Variants in COBLL1 observed in about 807,000 individuals in gnomAD.
COBLL1 encodes the protein cordon-bleu WH2 repeat protein like 1, also known as cordon-bleu protein-like 1.
COBLL1 carries 50 observed loss-of-function variants against 94.8 expected under a neutral mutation model. The observed-to-expected ratio is 0.53, with a 90% confidence interval of 0.42 to 0.67. The LOEUF (loss-of-function observed/expected upper bound fraction) is 0.67. COBLL1 is among the 30% of genes least tolerant of loss of function. COBLL1 has a pLI of 0.00. For synonymous variants in COBLL1, 448 were observed against 473.8 expected, an observed-to-expected ratio of 0.95 and a Z score of 0.71; for missense variants, 1,362 against 1,348.7, an observed-to-expected ratio of 1.01 and a Z score of -0.15.
At chr2:164,814,791 C>A (rs1397289125) in intron 2 of COBLL1, among the ~76,000 whole-genome samples, 1 of 152,116 alleles carries the variant, frequency 6.6e-6, no homozygotes, top group East Asian at 1.9e-4. Context: ...GTAAACTATA[C>A]CTCAACTTTA....
In COBLL1 at chr2:164,727,965, T is replaced by C. The variant is rs762871477; in HGVS notation, c.661+4A>G. ...TAAATAAATAAAATAAAAGTCTTAC[T>C]TACCTCTGTTGACATCCATCGCATA... On this transcript the variant is annotated splice_donor_region_variant and intron_variant, in intron 5 of 13. Coordinates refer to ENST00000652658, the MANE Select transcript of COBLL1 (RefSeq NM_001365672.2). 1 of 1,566,888 alleles carries C rather than the reference T, an allele frequency of 6.4e-7. No homozygotes were observed. Among genetic ancestry groups the C allele is most frequent in the South Asian group, 1.1e-5 (1 of 89,752 alleles).
intron 3 of COBLL1, among the ~76,000 whole-genome samples, chr2:164,735,596 T>G (rs1686258979): frequency 6.6e-6 from 1 of 151,880 alleles, no homozygotes; most frequent in South Asian, 2.1e-4. Flanking sequence ...GACATTAACT[T>G]TTAAGCAGGT....
intron 9 of COBLL1, among the ~76,000 whole-genome samples, chr2:164,701,225 C>G (rs1684238796): frequency 6.6e-6 from 1 of 152,082 alleles, no homozygotes; most frequent in South Asian, 2.1e-4. Context: ...TGAGAATTAC[C>G]TGAGCCCCCT....
Position 164,694,944 on chromosome 2 carries a change from A to T in COBLL1, c.2448T>A (p.Asp816Glu), listed in dbSNP as rs1227719410. 1 of 1,613,990 alleles carries T rather than the reference A, an allele frequency of 6.2e-7. No individual in the cohort carries two copies. Among genetic ancestry groups the T allele is most frequent in the East Asian group, 2.2e-5 (1 of 44,860 alleles). ...GTTTCAGAGGACTAACCATGGCATC[A>T]TCAGGTGAGCTCACAGAACTGGGCA... ...HQVPSSVSSP[D>E]DAMVSPLKPA... The change falls in exon 12 of 14, where the codon GAT (aspartate) becomes GAA (glutamate). Residue 816 changes from aspartate to glutamate, a missense_variant. Coordinates refer to ENST00000652658, the MANE Select transcript of COBLL1 (RefSeq NM_001365672.2).
intron 2 of COBLL1, among the ~76,000 whole-genome samples, chr2:164,810,775 A>G (rs1364674763): frequency 6.6e-6 from 1 of 151,936 alleles, no homozygotes; most frequent in East Asian, 1.9e-4. Flanking sequence ...GAAAAGAAGT[A>G]TAAGAAAAAT....
intron 3 of COBLL1, among the ~76,000 whole-genome samples, chr2:164,732,732 T>C (rs1296366644): frequency 6.6e-6 from 1 of 152,222 alleles, no homozygotes; most frequent in Non-Finnish European, 1.5e-5. Flanking sequence ...TATACAGTTT[T>C]TTTGAATCTT....
At chr2:164,788,634 GAAAGTAGTTA>G (rs1378883580) in intron 2 of COBLL1, among the ~76,000 whole-genome samples, 7 of 152,094 alleles carry the variant, frequency 4.6e-5, no homozygotes, top group Non-Finnish European at 1.0e-4. Flanking sequence ...AGCCAACTTT[GAAAGTAGTTA>G]AAATGACTGA....
Position 164,797,883 on chromosome 2 carries a change from G to A in COBLL1, c.41+43273C>T, listed in dbSNP as rs148213480. On this transcript the variant is annotated intron_variant, in intron 2 of 13. Transcript: ENST00000652658. ...ATACAAATGTTACTAAATATCTTCCGTTTTAGGGAAAACCAGATTGGAACT... is the reference window on the plus strand; with the variant it reads ...ATACAAATGTTACTAAATATCTTCCATTTTAGGGAAAACCAGATTGGAACT... Among the ~76,000 whole-genome samples, 513 of 152,124 alleles carry A rather than the reference G, an allele frequency of 3.4e-3. 1 individual carries two copies. The highest frequency in any genetic ancestry group is 5.8e-3 in the Admixed American group (89 of 15,280).
At chr2:164,800,469 G>A in intron 2 of COBLL1, 1 of 676,592 alleles carries the variant, frequency 1.5e-6, no homozygotes, top group Non-Finnish European at 2.7e-6. Context: ...ACTCTTGGTG[G>A]AATGCAAAAT....
rs540270933 is a variant in COBLL1, at chr2:164,761,362, C to G, written c.42-17487G>C. 3 of 151,884 alleles carry G rather than the reference C, an allele frequency of 2.0e-5. No homozygotes were observed. The East Asian group carries it at 5.8e-4, about 29-fold the overall frequency. 9.4% of individuals were successfully genotyped at this position (151,884 alleles called of 1,614,324 possible). A position where few individuals can be genotyped will look rare whatever the true frequency, so the allele number is the denominator to read the frequency against. On this transcript the variant is annotated intron_variant, in intron 2 of 13. Transcript: ENST00000652658. ...AGCAGAGGTTGCAGTGAGCCAAGCT[C>G]GCATCATTGCACTCGAGCCTGAGTA... is the stretch of plus-strand genomic sequence containing the variant.
At chr2:164,837,026 C>A (rs1435859163) in intron 2 of COBLL1, among the ~76,000 whole-genome samples, 2 of 152,270 alleles carry the variant, frequency 1.3e-5, no homozygotes, top group East Asian at 3.9e-4. Flanking sequence ...ACTTTAGAAC[C>A]AATAACACTC....
chr2:164,770,252 T>C (rs1688141335), intron 2 of COBLL1, among the ~76,000 whole-genome samples: 1 of 151,884 alleles, frequency 6.6e-6, no homozygotes, highest in Non-Finnish European at 1.5e-5. Flanking sequence ...CCAGCACCAC[T>C]GAAACACCAA....
chr2:164,785,373 A>G (rs1210644968), intron 2 of COBLL1, among the ~76,000 whole-genome samples: 1 of 152,174 alleles, frequency 6.6e-6, no homozygotes, highest in Non-Finnish European at 1.5e-5. Flanking sequence ...TGAGCAACAG[A>G]GTGAGACTGG....
At chr2:164,734,715 A>G (rs1686208322) in intron 3 of COBLL1, among the ~76,000 whole-genome samples, 1 of 152,192 alleles carries the variant, frequency 6.6e-6, no homozygotes, top group Admixed American at 6.5e-5. Context: ...GGAGCTAGCC[A>G]GTGGAAAGAG....
intron 1 of COBLL1, among the ~76,000 whole-genome samples, chr2:164,673,969 T>C (rs773210547): frequency 2.0e-5 from 3 of 152,230 alleles, no homozygotes; most frequent in Non-Finnish European, 4.4e-5. Context: ...ACCTCTATTA[T>C]AAGATTTGTA....
At chr2:164,751,382 C>G (rs937618438) in intron 2 of COBLL1, among the ~76,000 whole-genome samples, 1 of 151,230 alleles carries the variant, frequency 6.6e-6, no homozygotes, top group Non-Finnish European at 1.5e-5. Context: ...TCTCTATGAG[C>G]ATTTTTTTTT....
intron 2 of COBLL1, among the ~76,000 whole-genome samples, chr2:164,758,988 C>G (rs1397269921): frequency 6.6e-6 from 1 of 151,502 alleles, no homozygotes; most frequent in African/African-American, 2.4e-5. Context: ...GGTTAGAAAC[C>G]TAGCATTTAA....
At chr2:164,838,424 G>T (rs1213167998) in intron 2 of COBLL1, among the ~76,000 whole-genome samples, 3 of 152,120 alleles carry the variant, frequency 2.0e-5, no homozygotes, top group Admixed American at 1.3e-4. Flanking sequence ...TGAAGATAAG[G>T]ATATCAACTA....
intron 4 of COBLL1, among the ~76,000 whole-genome samples, chr2:164,728,750 T>G (rs1354950699): frequency 6.6e-6 from 1 of 152,060 alleles, no homozygotes; most frequent in Non-Finnish European, 1.5e-5. Flanking sequence ...CTATTGTGAT[T>G]AACTTTTGTT....
Sources: gnomAD v4.1 joint callset for allele counts (sites outside exome capture counted in the v4.1 genomes callset) on GRCh38, gnomAD v4.1.1 for gene constraint, MANE v1.5 for transcripts, NCBI Gene and HGNC (gene_info 2026-07-23, HGNC 2026-07-21) for gene names.